RALGPS1: variants seen among roughly 807,000 people sequenced by gnomAD.
The protein encoded by RALGPS1 is Ral GEF with PH domain and SH3 binding motif 1.
Under a neutral mutation model 78.8 loss-of-function variants are expected in RALGPS1, and 19 were observed. The observed-to-expected ratio is 0.24, with a 90% CI of 0.17 to 0.35. The LOEUF (loss-of-function observed/expected upper bound fraction) is 0.35. RALGPS1 is among the 10% of genes least tolerant of loss of function. RALGPS1 has a pLI of 1.00. For missense variants in RALGPS1, 454 were observed against 688.3 expected, an observed-to-expected ratio of 0.66 and a Z score of 3.81; for synonymous variants, 228 against 256.3, an observed-to-expected ratio of 0.89 and a Z score of 1.06.
intron 1 of RALGPS1, among the ~76,000 whole-genome samples, chr9:126,959,319 C>G (rs1432032102): frequency 6.6e-6 from 1 of 152,178 alleles, no homozygotes; most frequent in Non-Finnish European, 1.5e-5. Context: ...ACTTTGGCCT[C>G]CCAAACTGCT....
chr9:127,209,684 C>T lies in RALGPS1; in HGVS notation c.1248-2447C>T, dbSNP rs1342413562. ...CTCCCACCAGCCCTGAAATTGGGCCCCTGGACAGTGGACCCGAGATGGCCA... is the reference window on the plus strand; with the variant it reads ...CTCCCACCAGCCCTGAAATTGGGCCTCTGGACAGTGGACCCGAGATGGCCA... On this transcript the variant is annotated intron_variant, in intron 14 of 18. Coordinates refer to ENST00000259351, the MANE Select transcript of RALGPS1 (RefSeq NM_014636.3). 2.0e-5 allele frequency among the ~76,000 whole-genome samples: 3 copies of T among 152,120 alleles called. No individual in the cohort carries two copies. In the East Asian group the frequency reaches 5.8e-4, roughly 29 times the overall value.
intron 2 of RALGPS1, among the ~76,000 whole-genome samples, chr9:126,964,866 G>T (rs879710966): frequency 1.6e-4 from 24 of 152,168 alleles, no homozygotes; most frequent in Non-Finnish European, 2.9e-4. Flanking sequence ...TTTGGAAAGA[G>T]TGAAATAAAG....
intron 11 of RALGPS1, among the ~76,000 whole-genome samples, chr9:127,186,116 G>C (rs1037837470): frequency 6.6e-6 from 1 of 152,214 alleles, no homozygotes; most frequent in African/African-American, 2.4e-5. Flanking sequence ...TCCAATCAAT[G>C]AGAGGTCTGT....
chr9:127,079,911 C>T (rs769272796), intron 8 of RALGPS1: 2 of 152,206 alleles, frequency 1.3e-5, no homozygotes, highest in African/African-American at 2.4e-5. Flanking sequence ...ATTGCACAAC[C>T]TTTATCACTA....
intron 11 of RALGPS1, among the ~76,000 whole-genome samples, chr9:127,191,387 G>T (rs2061023214): frequency 6.6e-6 from 1 of 152,034 alleles, no homozygotes; most frequent in Non-Finnish European, 1.5e-5. Context: ...TTAACATAAG[G>T]CAGGACTCTA....
At chr9:127,032,685 A>G (rs1449344929) in intron 4 of RALGPS1, among the ~76,000 whole-genome samples, 1 of 152,200 alleles carries the variant, frequency 6.6e-6, no homozygotes, top group Non-Finnish European at 1.5e-5. Flanking sequence ...GGTAGGTCAA[A>G]CATACATTTG....
chr9:126,993,763 A>T (rs1250172392), intron 4 of RALGPS1, among the ~76,000 whole-genome samples: 1 of 152,118 alleles, frequency 6.6e-6, no homozygotes, highest in Admixed American at 6.6e-5. Flanking sequence ...GAGTAGCCTA[A>T]CTGGGAGGCA....
chr9:127,212,355 A>G lies in RALGPS1; in HGVS notation c.1353+119A>G, dbSNP rs1432961072. On this transcript the variant is annotated intron_variant, in intron 15 of 18. Transcript: ENST00000259351. This position sits in a 1 kb window ranked among gnomAD's most constrained non-coding sequence, Gnocchi z 6.0. Reference sequence around the variant, plus strand: ...GGCAGAGGCTCTGCTTGCAGTGGGCATGCAGCGAGCTGAACTCTCAGGAAT... The same window carrying G: ...GGCAGAGGCTCTGCTTGCAGTGGGCGTGCAGCGAGCTGAACTCTCAGGAAT... The G allele has an allele frequency of 3.9e-6, 3 of 764,370 alleles. No homozygotes were observed. In the East Asian group the frequency reaches 8.2e-5, roughly 21 times the overall value. 47.3% of individuals were successfully genotyped at this position (764,370 alleles called of 1,614,324 possible).
intron 18 of RALGPS1, chr9:127,217,048 C>T: frequency 6.9e-7 from 1 of 1,456,780 alleles, no homozygotes; most frequent in Non-Finnish European, 9.1e-7. Flanking sequence ...AGTGGTAGCC[C>T]TGAGTAAAAC....
intron 7 of RALGPS1, among the ~76,000 whole-genome samples, chr9:127,064,350 G>A (rs2049487008): frequency 6.6e-6 from 1 of 152,236 alleles, no homozygotes; most frequent in African/African-American, 2.4e-5. Context: ...TATAGTTCTT[G>A]TAATGAAAGC....
chr9:127,010,959 A>T (rs1315762486), intron 4 of RALGPS1, among the ~76,000 whole-genome samples: 2 of 152,036 alleles, frequency 1.3e-5, no homozygotes, highest in Non-Finnish European at 2.9e-5. Flanking sequence ...AGAGTCCCAT[A>T]TATCAGTGGC....
chr9:127,212,105 A>C lies in RALGPS1; in HGVS notation c.1248-26A>C, dbSNP rs2062297801. 1 of 1,585,932 alleles carries C rather than the reference A, an allele frequency of 6.3e-7. No individual in the cohort carries two copies. Among genetic ancestry groups the C allele is most frequent in the African/African-American group, 1.4e-5 (1 of 73,944 alleles). On this transcript the variant is annotated intron_variant, in intron 14 of 18. Transcript: ENST00000259351. The surrounding 1 kb of genome is among the most constrained non-coding windows in gnomAD (Gnocchi z 6.0). ...GCTTGACCTCAGCTCCTCCAGGGCG[A>C]TGTCTGACTGGTAGTCTCTCCTCAG... is the stretch of plus-strand genomic sequence containing the variant.
intron 1 of RALGPS1, among the ~76,000 whole-genome samples, chr9:126,916,796 A>C (rs2034212770): frequency 6.6e-6 from 1 of 152,066 alleles, no homozygotes; most frequent in Non-Finnish European, 1.5e-5. Context: ...AACACACAAA[A>C]ATCCCCAAAA....
intron 8 of RALGPS1, among the ~76,000 whole-genome samples, chr9:127,160,573 G>T (rs886439691): frequency 6.6e-6 from 1 of 152,184 alleles, no homozygotes; most frequent in Non-Finnish European, 1.5e-5. Context: ...TCCAGTCTGC[G>T]GGTGGGCATA....
At chr9:127,191,689 G>GTTTT (rs2061045027) in intron 11 of RALGPS1, among the ~76,000 whole-genome samples, 2 of 143,502 alleles carry the variant, frequency 1.4e-5, no homozygotes, top group African/African-American at 5.2e-5. Context: ...TTGTTTTTTG[G>GTTTT]GTTTTTTTTT....
intron 4 of RALGPS1, among the ~76,000 whole-genome samples, chr9:126,999,110 A>G (rs927932580): frequency 6.6e-6 from 1 of 151,724 alleles, no homozygotes; most frequent in Non-Finnish European, 1.5e-5. Context: ...TGGCACATGT[A>G]TACATATGTA....
chr9:127,153,352 C>T (rs12350252), intron 8 of RALGPS1, among the ~76,000 whole-genome samples: 13 of 149,050 alleles, frequency 8.7e-5, no homozygotes, highest in Non-Finnish European at 1.8e-4. Flanking sequence ...GATTCCCCCA[C>T]GTAAATGTAT....
intron 11 of RALGPS1, among the ~76,000 whole-genome samples, chr9:127,185,577 G>A (rs1316475847): frequency 3.3e-5 from 5 of 152,232 alleles, no homozygotes. Flanking sequence ...GGTGTACAAA[G>A]CATTTATCAC....
chr9:126,940,607 A>G (rs2036688382), intron 1 of RALGPS1, among the ~76,000 whole-genome samples: 2 of 151,802 alleles, frequency 1.3e-5, no homozygotes. Flanking sequence ...TGCCCAGCTA[A>G]TTTTTTTGTA....
Sources: allele counts gnomAD v4.1 joint callset (sites outside exome capture counted in the v4.1 genomes callset), GRCh38; gene constraint gnomAD v4.1.1; non-coding constraint Gnocchi (gnomAD v3.1); transcripts MANE v1.5; gene names NCBI Gene and HGNC (gene_info 2026-07-23, HGNC 2026-07-21).